Variants in SCN2B observed in about 807,000 individuals in gnomAD.
The protein encoded by SCN2B is sodium voltage-gated channel beta subunit 2.
A neutral mutation model predicts 18.2 loss-of-function variants in SCN2B; 14 were observed. That is an observed-to-expected ratio of 0.77 (90% CI 0.51 to 1.21). The LOEUF (loss-of-function observed/expected upper bound fraction) is 1.21, where lower values mean the gene tolerates loss of function less well. SCN2B is among the 50% of genes most tolerant of loss of function. SCN2B has a pLI of 0.00. For missense variants in SCN2B, 262 were observed against 286.9 expected (o/e 0.91, Z 0.63); for synonymous variants, 115 against 115.3 (o/e 1.00, Z 0.02).
At position 118,170,417 on chromosome 11, in the gene SCN2B, G is replaced by A. The variant is rs754858193; in HGVS notation, c.71-1666C>T. ...AGTCCCAGTGGCTGGAAGGAGTTTC[G>A]TGTGCCTGAGGCAGAGGGAGCAGAA... On this transcript the variant is annotated intron_variant, in intron 1 of 3. Transcript: ENST00000278947. 5.3e-5 allele frequency among the ~76,000 whole-genome samples: 8 copies of A among 152,162 alleles called. 1 individual carries two copies. The South Asian group carries it at 1.0e-3, about 20-fold the overall frequency.
In SCN2B at chr11:118,165,071, GCTCC is replaced by G. The variant is rs1948366727; in HGVS notation, c.*1812_*1815del. 1 of 152,900 alleles carries G rather than the reference GCTCC, an allele frequency of 6.5e-6. No homozygotes were observed. The highest frequency in any genetic ancestry group is 1.5e-5 in the Non-Finnish European group (1 of 68,168). The allele number at this position is 152,900 out of a possible 1,614,324, so 9.5% of individuals were successfully genotyped here. ...GCCAGCAGCTGTGCCCTTCACACTTGCTCCCTCCCTCCCTGCTTCCCTCCACTCC... is the reference window on the plus strand; with the variant it reads ...GCCAGCAGCTGTGCCCTTCACACTTGCTCCCTCCCTGCTTCCCTCCACTCC... On this transcript the variant is annotated 3_prime_UTR_variant, in exon 4 of 4. Coordinates refer to ENST00000278947, the MANE Select transcript of SCN2B (RefSeq NM_004588.5).
At chr11:118,171,984 AG>A (rs1221199073) in intron 1 of SCN2B, among the ~76,000 whole-genome samples, 1 of 152,174 alleles carries the variant, frequency 6.6e-6, no homozygotes. Flanking sequence ...CATGGTTCCT[AG>A]CCCCTAATCC....
Position 118,166,194 on chromosome 11 carries a change from C to G in SCN2B, c.*693G>C, listed in dbSNP as rs915339290. On this transcript the variant is annotated 3_prime_UTR_variant, in exon 4 of 4. Coordinates refer to ENST00000278947, the MANE Select transcript of SCN2B (RefSeq NM_004588.5). ...CCTGGAGCTGCTCTTCCAGTCTGGC[C>G]TCATCCACAGTCCTAAGGGATTAGG... 2.0e-5 allele frequency: 3 copies of G among 153,382 alleles called. No homozygotes were observed. Among genetic ancestry groups the G allele is most frequent in the Non-Finnish European group, 4.3e-5 (3 of 68,980 alleles). 9.5% of individuals were successfully genotyped at this position (153,382 alleles called of 1,614,324 possible). A position where few individuals can be genotyped will look rare whatever the true frequency, so the allele number is the denominator to read the frequency against.
chr11:118,170,359 C>A (rs766130468), intron 1 of SCN2B, among the ~76,000 whole-genome samples: 1 of 152,138 alleles, frequency 6.6e-6, no homozygotes, highest in Non-Finnish European at 1.5e-5. Context: ...TTGAGCGAGT[C>A]GAGTTCCCAG....
At chr11:118,167,154 C>G in intron 3 of SCN2B, 68 bp from the exon 4 acceptor site, 1 of 1,486,178 alleles carries the variant, frequency 6.7e-7, no homozygotes, top group Non-Finnish European at 9.2e-7. Context: ...CCCCACTACC[C>G]GTGGCATGCG....
intron 1 of SCN2B, among the ~76,000 whole-genome samples, chr11:118,174,642 C>T (rs930034626): frequency 2.0e-5 from 3 of 152,186 alleles, no homozygotes; most frequent in African/African-American, 7.2e-5. Flanking sequence ...TCCCACTCAG[C>T]TTTGCAGAAG....
In SCN2B at chr11:118,166,865, A is replaced by G. The variant is rs561204712; in HGVS notation, c.*22T>C. ...GAGAGGGGAGGAGACGGGACACGGG[A>G]GGCTGCAGGGCCGGCCACCCACTAC... is the stretch of plus-strand genomic sequence containing the variant. On this transcript the variant is annotated 3_prime_UTR_variant, in exon 4 of 4. Coordinates refer to ENST00000278947, the MANE Select transcript of SCN2B (RefSeq NM_004588.5). The G allele has an allele frequency of 3.7e-6, 6 of 1,613,116 alleles. No individual in the cohort carries two copies. In the African/African-American group the frequency reaches 6.7e-5, roughly 18 times the overall value.
chr11:118,172,020 C>G (rs1948434780), intron 1 of SCN2B, among the ~76,000 whole-genome samples: 1 of 152,196 alleles, frequency 6.6e-6, no homozygotes, highest in Non-Finnish European at 1.5e-5. Context: ...AGCCTGTGGC[C>G]TCACCAGAAT....
intron 1 of SCN2B, among the ~76,000 whole-genome samples, chr11:118,174,102 T>TTTTTTTG (rs1565464849): frequency 2.3e-4 from 29 of 127,064 alleles, no homozygotes; most frequent in African/African-American, 7.8e-4. Context: ...TTTTTTTTTT[T>TTTTTTTG]TTTTTTTTTT....
chr11:118,167,763 C>T lies in SCN2B; in HGVS notation c.448+322G>A, dbSNP rs150631848. On this transcript the variant is annotated intron_variant, in intron 3 of 3. Transcript: ENST00000278947. ...GTAGAGATGGAGTTTTGCCATGTTGCCCAGGCTGGTCTCGAGCTCCTGAGC... is the reference window on the plus strand; with the variant it reads ...GTAGAGATGGAGTTTTGCCATGTTGTCCAGGCTGGTCTCGAGCTCCTGAGC... Among the ~76,000 whole-genome samples the T allele has an allele frequency of 4.0e-3, 602 of 152,258 alleles. 6 individuals are homozygous for T. The highest frequency in any genetic ancestry group is 0.012 in the African/African-American group (514 of 41,544).
Position 118,163,953 on chromosome 11 carries a change from A to G in SCN2B, c.*2934T>C, listed in dbSNP as rs1948354723. On this transcript the variant is annotated 3_prime_UTR_variant, in exon 4 of 4. Coordinates refer to ENST00000278947, the MANE Select transcript of SCN2B (RefSeq NM_004588.5). ...TATGAGTCCTCTGGAGGAGATTCTAAGAGGCTCCAGAAGAAAATGCATATG... is the reference window on the plus strand; with the variant it reads ...TATGAGTCCTCTGGAGGAGATTCTAGGAGGCTCCAGAAGAAAATGCATATG... 6.6e-6 allele frequency: 1 copy of G among 152,158 alleles called. No individual in the cohort carries two copies. The highest frequency in any genetic ancestry group is 6.5e-5 in the Admixed American group (1 of 15,278). The allele number at this position is 152,158 out of a possible 1,614,324, so 9.4% of individuals were successfully genotyped here. A position where few individuals can be genotyped will look rare whatever the true frequency, so the allele number is the denominator to read the frequency against.
At chr11:118,172,600 G>T (rs1318168442) in intron 1 of SCN2B, among the ~76,000 whole-genome samples, 2 of 152,366 alleles carry the variant, frequency 1.3e-5, no homozygotes, top group Non-Finnish European at 2.9e-5. Flanking sequence ...TTGAGACCAG[G>T]TCTGGGGCCT....
At position 118,168,837 on chromosome 11, in the gene SCN2B, A is replaced by G. The variant is rs568575970; in HGVS notation, c.71-86T>C. The G allele has an allele frequency of 1.3e-6, 2 of 1,483,890 alleles. No homozygotes were observed. The highest frequency in any genetic ancestry group is 1.4e-5 in the African/African-American group (1 of 72,336). 91.9% of individuals were successfully genotyped at this position (1,483,890 alleles called of 1,614,324 possible). On this transcript the variant is annotated intron_variant, in intron 1 of 3. Transcript: ENST00000278947. This position sits in a 1 kb window ranked among gnomAD's most constrained non-coding sequence, Gnocchi z 4.7. ...CCTCTGTGCCTGGGAGTGTTGGGGGATGAGGCAGAGCAGAGCCACAGGGAG... is the reference window on the plus strand; with the variant it reads ...CCTCTGTGCCTGGGAGTGTTGGGGGGTGAGGCAGAGCAGAGCCACAGGGAG...
At chr11:118,167,208 G>GC (rs1466858051) in intron 3 of SCN2B, 122 bp from the exon 4 acceptor site, 1 of 1,074,808 alleles carries the variant, frequency 9.3e-7, no homozygotes, top group Non-Finnish European at 1.3e-6. Context: ...CAGGACTTTA[G>GC]CAAAGCCGAA....
At chr11:118,170,950 C>A (rs1948426481) in intron 1 of SCN2B, among the ~76,000 whole-genome samples, 1 of 152,086 alleles carries the variant, frequency 6.6e-6, no homozygotes, top group Non-Finnish European at 1.5e-5. Flanking sequence ...TGCAGGGCTC[C>A]TATTTTTCAA....
rs950799452 is a variant in SCN2B at position 118,165,497 on chromosome 11, G to T, written c.*1390C>A. On this transcript the variant is annotated 3_prime_UTR_variant, in exon 4 of 4. Transcript: ENST00000278947. ...TTTTTTTTTTTTTTTTTGAGATGGAGTCTCTCTATGTCACCCAGGCTGAAT... is the reference window on the plus strand; with the variant it reads ...TTTTTTTTTTTTTTTTTGAGATGGATTCTCTCTATGTCACCCAGGCTGAAT... The T allele has an allele frequency of 8.6e-6, 1 of 116,446 alleles. No homozygotes were observed. Among genetic ancestry groups the T allele is most frequent in the South Asian group, 2.8e-4 (1 of 3,548 alleles). 7.2% of individuals were successfully genotyped at this position (116,446 alleles called of 1,614,324 possible). A position where few individuals can be genotyped will look rare whatever the true frequency, so the allele number is the denominator to read the frequency against.
Position 118,176,346 on chromosome 11 carries a change from G to A in SCN2B, c.70+16C>T. The A allele has an allele frequency of 6.2e-7, 1 of 1,611,304 alleles. No individual in the cohort carries two copies. The highest frequency in any genetic ancestry group is 8.5e-7 in the Non-Finnish European group (1 of 1,177,828). ...ACTTCTGAACCCTCGGGAGCATGCA[G>A]ATGTGTCTAACTTACCCAAAGAGAA... On this transcript the variant is annotated intron_variant, in intron 1 of 3. Coordinates refer to ENST00000278947, the MANE Select transcript of SCN2B (RefSeq NM_004588.5).
rs1414858939 is a variant in SCN2B at position 118,176,470 on chromosome 11, G to A, written c.-39C>T. On this transcript the variant is annotated 5_prime_UTR_variant, in exon 1 of 4. Coordinates refer to ENST00000278947, the MANE Select transcript of SCN2B (RefSeq NM_004588.5). ...GATGTTAGTCGGGTGGGCTACGGGA[G>A]AGGGTGATTTGAGGGGGCGAGAACT... is the stretch of plus-strand genomic sequence containing the variant. 6 of 1,549,140 alleles carry A rather than the reference G, an allele frequency of 3.9e-6. No homozygotes were observed. In the South Asian group the frequency reaches 4.5e-5, roughly 11 times the overall value.
At chr11:118,172,661 A>C (rs541312794) in intron 1 of SCN2B, among the ~76,000 whole-genome samples, 20 of 152,326 alleles carry the variant, frequency 1.3e-4, no homozygotes, top group African/African-American at 4.6e-4. Flanking sequence ...CAACGGGATG[A>C]GGCTTCTGAT....
Sources: allele counts gnomAD v4.1 joint callset (sites outside exome capture counted in the v4.1 genomes callset), GRCh38; gene constraint gnomAD v4.1.1; non-coding constraint Gnocchi (gnomAD v3.1); transcripts MANE v1.5; gene names NCBI Gene and HGNC (gene_info 2026-07-23, HGNC 2026-07-21).